The following CDK18 variants were observed in gnomAD, a reference collection of about 807,000 sequenced individuals.
CDK18 encodes cyclin-dependent kinase 18.
Under a neutral mutation model 62.0 loss-of-function variants are expected in CDK18, and 52 were observed. The observed-to-expected ratio is 0.84, with a 90% CI of 0.67 to 1.06. CDK18 has a LOEUF of 1.06. Ranked by LOEUF, CDK18 falls within the 50% of genes least tolerant of loss-of-function variation. The pLI is 0.00. For synonymous variants in CDK18, 237 were observed against 247.0 expected (o/e 0.96, Z 0.38); for missense variants, 604 against 619.9 (o/e 0.97, Z 0.27).
At chr1:205,514,396 TGACTG>T in intron 1 of CDK18, among the ~76,000 whole-genome samples, 1 of 151,960 alleles carries the variant, frequency 6.6e-6, no homozygotes, top group East Asian at 1.9e-4. Flanking sequence ...TGGGGCTGGG[TGACTG>T]GACAGTCTAG....
At chr1:205,518,205 C>T (rs1033719896) in intron 1 of CDK18, among the ~76,000 whole-genome samples, 3 of 152,170 alleles carry the variant, frequency 2.0e-5, no homozygotes, top group African/African-American at 7.2e-5. Flanking sequence ...GCATGAATTC[C>T]CATCATTGCA....
chr1:205,530,225 G>C (rs1468041273), intron 13 of CDK18, 34 bp from the exon 14 acceptor site: 1 of 1,607,564 alleles, frequency 6.2e-7, no homozygotes, highest in Non-Finnish European at 8.5e-7. Flanking sequence ...CAGCCCCCCA[G>C]CCGGGCCCAA....
intron 1 of CDK18, among the ~76,000 whole-genome samples, chr1:205,511,781 C>G (rs559421697): frequency 6.6e-6 from 1 of 152,140 alleles, no homozygotes; most frequent in Non-Finnish European, 1.5e-5. Context: ...TGGCCAGGTG[C>G]GGTGGCTCAC....
intron 14 of CDK18, 57 bp from the exon 15 acceptor site, chr1:205,530,571 C>G (rs761575941): frequency 3.3e-5 from 50 of 1,517,862 alleles, no homozygotes; most frequent in Non-Finnish European, 4.2e-5. Flanking sequence ...TGGGCCAGTC[C>G]TTACTGGAGG....
intron 4 of CDK18, 55 bp downstream of exon 4, chr1:205,524,412 A>G: frequency 1.2e-6 from 2 of 1,600,560 alleles, no homozygotes; most frequent in Non-Finnish European, 1.7e-6. Flanking sequence ...CCTCCCCAGC[A>G]TGGGCATATC....
chr1:205,510,981 G>A (rs949990252), intron 1 of CDK18, among the ~76,000 whole-genome samples: 7 of 152,224 alleles, frequency 4.6e-5, no homozygotes, highest in Admixed American at 3.3e-4. Context: ...GATGGGCAAG[G>A]AAATCCTGGA....
Position 205,528,803 on chromosome 1 carries a change from G to A in CDK18, c.975-196G>A, listed in dbSNP as rs1668573217. 2.1e-6 allele frequency: 1 copy of A among 471,380 alleles called. No individual in the cohort carries two copies. The highest frequency in any genetic ancestry group is 3.8e-6 in the Non-Finnish European group (1 of 265,748). 29.2% of individuals were successfully genotyped at this position (471,380 alleles called of 1,614,324 possible). A position where few individuals can be genotyped will look rare whatever the true frequency, so the allele number is the denominator to read the frequency against. On this transcript the variant is annotated intron_variant, in intron 10 of 15. Transcript: ENST00000429964. This position sits in a 1 kb window ranked among gnomAD's most constrained non-coding sequence, Gnocchi z 4.2. ...AAGTCGCAGCTTTCCCGAGCCCAGG[G>A]AAGCCCCCCAGAGAGGGGCTGTAGT...
chr1:205,523,474 C>T lies in CDK18; in HGVS notation c.131-9C>T. On this transcript the variant is annotated splice_polypyrimidine_tract_variant and intron_variant, in intron 2 of 15. Coordinates refer to ENST00000429964, the MANE Select transcript of CDK18 (RefSeq NM_212502.3). ...GGCAGGGAGGGGAGCTGACGCCTGT[C>T]CCTCTTAGACTTGCAGCTCGGTCCT... is the stretch of plus-strand genomic sequence containing the variant. 4 of 1,599,114 alleles carry T rather than the reference C, an allele frequency of 2.5e-6. No homozygotes were observed. In the African/African-American group the frequency reaches 4.0e-5, roughly 16 times the overall value.
chr1:205,519,613 GC>G (rs1488196849), intron 1 of CDK18, among the ~76,000 whole-genome samples: 1 of 152,158 alleles, frequency 6.6e-6, no homozygotes, highest in Non-Finnish European at 1.5e-5. Context: ...CCCATCGCCT[GC>G]ACTGCTTGGC....
In CDK18 at chr1:205,525,185, A is replaced by G. The variant is rs1472516669; in HGVS notation, c.446A>G (p.Lys149Arg). 1.3e-5 allele frequency: 21 copies of G among 1,610,310 alleles called. No individual in the cohort carries two copies. The highest frequency in any genetic ancestry group is 1.8e-5 in the Non-Finnish European group (21 of 1,177,262). ...GKLETYVKLDKLGEGTYATVF... is the reference protein window; with the variant it reads ...GKLETYVKLDRLGEGTYATVF... ...CTGGAAACATACGTGAAACTGGACA[A>G]ACTGGGAGAGGTAAGACGCTGGGTT... is the stretch of plus-strand genomic sequence containing the variant. The change falls in exon 5 of 16, where the codon AAA becomes AGA. Residue 149 changes from lysine to arginine, a missense_variant. Coordinates refer to ENST00000429964, the MANE Select transcript of CDK18 (RefSeq NM_212502.3).
rs766027150 is a variant in CDK18 at position 205,523,218 on chromosome 1, GC to G, written c.55del (p.Arg19AlafsTer127). 6.2e-7 allele frequency: 1 copy of G among 1,614,078 alleles called. No individual in the cohort carries two copies. Among genetic ancestry groups the G allele is most frequent in the Non-Finnish European group, 8.5e-7 (1 of 1,179,974 alleles). The stretch of plus-strand genomic sequence containing the variant: ...TTAAGCGCCGTTTCTCCCTGTCAGT[GC>G]CCCGCACTGAGACCATTGAAGAATC... The part of the protein sequence containing the change: ...NFKRRFSLSV[P>X]RTETIEESLA... On this transcript the variant is annotated frameshift_variant, in exon 2 of 16. Transcript: ENST00000429964. LOFTEE classifies it high-confidence loss of function.
At position 205,523,666 on chromosome 1, in the gene CDK18, G is replaced by A. The variant is rs1030180970; in HGVS notation, c.273+41G>A. ...GCTCTGCCCCGGCAGGTGGCAGGAT[G>A]CACGCACAAGGGTGTGCACAGGAGG... On this transcript the variant is annotated intron_variant, in intron 3 of 15. Coordinates refer to ENST00000429964, the MANE Select transcript of CDK18 (RefSeq NM_212502.3). The A allele has an allele frequency of 9.7e-6, 15 of 1,548,978 alleles. No homozygotes were observed. The African/African-American group carries it at 1.1e-4, about 11-fold the overall frequency.
chr1:205,518,515 T>C (rs1462179964), intron 1 of CDK18, among the ~76,000 whole-genome samples: 2 of 152,142 alleles, frequency 1.3e-5, no homozygotes, highest in African/African-American at 4.8e-5. Flanking sequence ...CAGTCAAGCC[T>C]GGGCCACAGG....
At chr1:205,525,745 C>T (rs1048906868) in intron 5 of CDK18, among the ~76,000 whole-genome samples, 6 of 152,192 alleles carry the variant, frequency 3.9e-5, no homozygotes, top group Non-Finnish European at 8.8e-5. Flanking sequence ...AGGGAACACA[C>T]AGCCCTTTCC....
intron 1 of CDK18, among the ~76,000 whole-genome samples, chr1:205,509,994 C>T (rs1002150119): frequency 2.0e-5 from 3 of 151,806 alleles, no homozygotes; most frequent in Non-Finnish European, 4.4e-5. Flanking sequence ...GCACGAGAAT[C>T]GCTTGAACAA....
chr1:205,529,702 C>A (rs1038472167), intron 13 of CDK18, 139 bp downstream of exon 13: 10 of 1,546,978 alleles, frequency 6.5e-6, no homozygotes, highest in East Asian at 2.4e-5. Context: ...CTCTCCACCC[C>A]CAAGGCCAAG....
intron 1 of CDK18, among the ~76,000 whole-genome samples, chr1:205,507,061 G>T (rs10494870): frequency 6.6e-6 from 1 of 152,012 alleles, no homozygotes; most frequent in African/African-American, 2.4e-5. Context: ...GCAGAGCCCG[G>T]CTTGACTCTT....
At position 205,532,600 on chromosome 1, in the gene CDK18, A is replaced by T. The variant is rs1299194860; in HGVS notation, c.*1222A>T. 6.6e-6 allele frequency: 1 copy of T among 152,198 alleles called. No homozygotes were observed. Among genetic ancestry groups the T allele is most frequent in the Admixed American group, 6.5e-5 (1 of 15,276 alleles). The allele number at this position is 152,198 out of a possible 1,614,324, so 9.4% of individuals were successfully genotyped here. On this transcript the variant is annotated 3_prime_UTR_variant, in exon 16 of 16. Transcript: ENST00000429964. ...GCCCCTGAAGAAGGCTCCCCTCTGT[A>T]TCCCCCAGGTCTCCTCAACACTGGG...
chr1:205,529,218 G>A (rs893326571), intron 11 of CDK18, 106 bp from the exon 12 acceptor site: 2 of 1,346,928 alleles, frequency 1.5e-6, no homozygotes, highest in Non-Finnish European at 1.0e-6. Flanking sequence ...GGGACCCCCT[G>A]TGGCCTCGGC....
Sources: gnomAD v4.1 joint callset for allele counts (sites outside exome capture counted in the v4.1 genomes callset) on GRCh38, gnomAD v4.1.1 for gene constraint, Gnocchi (gnomAD v3.1) non-coding constraint, MANE v1.5 for transcripts, NCBI Gene and HGNC (gene_info 2026-07-23, HGNC 2026-07-21) for gene names.